Variants in SVEP1 observed in about 807,000 individuals in gnomAD.
SVEP1 encodes sushi, von Willebrand factor type A, EGF and pentraxin domain containing 1.
Under a neutral mutation model 367.3 loss-of-function variants are expected in SVEP1, and 164 were observed. That is an observed-to-expected ratio of 0.45 (90% CI 0.39 to 0.51). SVEP1 has a LOEUF of 0.51. SVEP1 is among the 20% of genes least tolerant of loss of function. The pLI is 0.00. For synonymous variants in SVEP1, 1,666 were observed against 1,611.6 expected, an observed-to-expected ratio of 1.03 and a Z score of -0.81; for missense variants, 4,117 against 4,425.3, an observed-to-expected ratio of 0.93 and a Z score of 1.98.
intron 22 of SVEP1, among the ~76,000 whole-genome samples, chr9:110,452,848 T>C (rs10980395): frequency 0.21 from 18,471 of 87,548 alleles, 1,548 homozygotes; most frequent in South Asian, 0.39. Context: ...GATGGCTTAT[T>C]TGAAGGATTT....
chr9:110,436,644 T>C (rs1554714981), intron 27 of SVEP1, 140 bp from the exon 28 acceptor site: 1 of 1,245,646 alleles, frequency 8.0e-7, no homozygotes, highest in Non-Finnish European at 1.1e-6. Flanking sequence ...GTAAATTTAC[T>C]GCAGGTTTTA....
Position 110,404,529 on chromosome 9 carries a change from T to C in SVEP1, c.9464A>G (p.Asp3155Gly), listed in dbSNP as rs1264663219. Reference sequence around the variant, plus strand: ...ACAGGTGAATGTATCTGTATCTGTATCCATCGTATAACCTTCCAGACATCT... The same window carrying C: ...ACAGGTGAATGTATCTGTATCTGTACCCATCGTATAACCTTCCAGACATCT... ...KLRCLEGYTMDTDTDTFTCQK... is the reference protein window; with the variant it reads ...KLRCLEGYTMGTDTDTFTCQK... Residue 3155 changes from aspartate (D) to glycine (G), a missense_variant, in exon 39 of 48, where the codon GAT (aspartate) becomes GGT (glycine). Around this residue, in one of 4 missense-constraint regions of SVEP1, gnomAD observed 1,765 missense variants for 1,781.1 expected, o/e 0.99. Coordinates refer to ENST00000374469, the MANE Select transcript of SVEP1 (RefSeq NM_153366.4). 3 of 1,613,986 alleles carry C rather than the reference T, an allele frequency of 1.9e-6. No individual in the cohort carries two copies. The highest frequency in any genetic ancestry group is 4.5e-5 in the East Asian group (2 of 44,880).
chr9:110,447,204 T>A (rs991708414), intron 24 of SVEP1, 147 bp from the exon 25 acceptor site: 1 of 681,544 alleles, frequency 1.5e-6, no homozygotes, highest in Admixed American at 4.1e-5. Flanking sequence ...GGTTACTTTT[T>A]CCAGTTCACT....
At chr9:110,505,653 T>C (rs1440713298) in intron 5 of SVEP1, among the ~76,000 whole-genome samples, 1 of 152,136 alleles carries the variant, frequency 6.6e-6, no homozygotes, top group Non-Finnish European at 1.5e-5. Flanking sequence ...TCATATTATA[T>C]ATCCAATAAC....
intron 6 of SVEP1, among the ~76,000 whole-genome samples, chr9:110,502,636 A>T (rs756056071): frequency 2.5e-4 from 38 of 152,180 alleles, no homozygotes; most frequent in Middle Eastern, 3.2e-3. Context: ...GTTTAATAAT[A>T]AAGCAATTTT....
At position 110,427,598 on chromosome 9, in the gene SVEP1, T is replaced by C; in HGVS notation, c.5968A>G (p.Lys1990Glu). ...TTCACAGGCCCTACTCACCCTTCTT[T>C]GCAAGTGTAAGTGACGGTGTTCCTG... ...TFRNTVTYTC[K>E]EGYTLAGLDT... The change falls in exon 36 of 48, where the codon AAA becomes GAA. Residue 1990 changes from lysine (K) to glutamate (E), a missense_variant. Coordinates refer to ENST00000374469, the MANE Select transcript of SVEP1 (RefSeq NM_153366.4). The C allele has an allele frequency of 6.2e-7, 1 of 1,613,228 alleles. No individual in the cohort carries two copies. The highest frequency in any genetic ancestry group is 1.1e-5 in the South Asian group (1 of 90,976).
intron 18 of SVEP1, among the ~76,000 whole-genome samples, chr9:110,465,151 C>G (rs1193575455): frequency 6.6e-6 from 1 of 151,882 alleles, no homozygotes; most frequent in Non-Finnish European, 1.5e-5. Flanking sequence ...ATTCTCAGAC[C>G]CCTCCCCAGA....
chr9:110,519,318 AGAT>A (rs1243388369), intron 3 of SVEP1, among the ~76,000 whole-genome samples: 1 of 152,120 alleles, frequency 6.6e-6, no homozygotes, highest in Non-Finnish European at 1.5e-5. Flanking sequence ...CTGCTTTTAT[AGAT>A]TTGTTGTGCC....
At position 110,479,496 on chromosome 9, in the gene SVEP1, G is replaced by A. The variant is rs1829151617; in HGVS notation, c.2487+139C>T. The A allele has an allele frequency of 2.6e-5, 27 of 1,020,106 alleles. No individual in the cohort carries two copies. The South Asian group carries it at 8.2e-4, about 31-fold the overall frequency. 63.2% of individuals were successfully genotyped at this position (1,020,106 alleles called of 1,614,324 possible). On this transcript the variant is annotated intron_variant, in intron 13 of 47. Transcript: ENST00000374469. Reference sequence around the variant, plus strand: ...GTCATTTTAGAAGTTCAAAATCTATGAATAATTTTAAATATTAGGTACATG... The same window carrying A: ...GTCATTTTAGAAGTTCAAAATCTATAAATAATTTTAAATATTAGGTACATG...
intron 4 of SVEP1, 70 bp from the exon 5 acceptor site, chr9:110,513,175 T>C: frequency 1.4e-6 from 2 of 1,431,516 alleles, no homozygotes; most frequent in South Asian, 1.5e-5. Flanking sequence ...TTTTTTTTTT[T>C]TCTTTCAAGG....
intron 28 of SVEP1, among the ~76,000 whole-genome samples, chr9:110,436,054 G>A (rs537952305): frequency 2.6e-5 from 4 of 152,016 alleles, no homozygotes; most frequent in Admixed American, 2.0e-4. Flanking sequence ...CAGTCAGAGG[G>A]ATTTGAAGCA....
chr9:110,495,945 G>A (rs1439426079), intron 8 of SVEP1, among the ~76,000 whole-genome samples: 3 of 152,076 alleles, frequency 2.0e-5, no homozygotes, highest in Admixed American at 2.0e-4. Flanking sequence ...ATAGCAATTA[G>A]GATTGAGTCC....
chr9:110,398,452 A>T, intron 40 of SVEP1, among the ~76,000 whole-genome samples: 1 of 152,216 alleles, frequency 6.6e-6, no homozygotes, highest in East Asian at 1.9e-4. Context: ...TCATGCTAAA[A>T]CACCAAAAGC....
At chr9:110,440,120 A>G (rs17806688) in intron 27 of SVEP1, among the ~76,000 whole-genome samples, 5,420 of 152,290 alleles carry the variant, frequency 0.036, 91 homozygotes, top group Middle Eastern at 0.058. Flanking sequence ...TGATAATGCC[A>G]TTTCCTTTTG....
At chr9:110,429,409 T>G in intron 34 of SVEP1, 75 bp from the exon 35 acceptor site, 3 of 1,037,802 alleles carry the variant, frequency 2.9e-6, no homozygotes, top group Non-Finnish European at 3.9e-6. Context: ...CAAAAACCTC[T>G]AAAAATATTA....
At position 110,436,502 on chromosome 9, in the gene SVEP1, C is replaced by G. The variant is rs767277866; in HGVS notation, c.4642G>C (p.Gly1548Arg). Residue 1548 changes from glycine to arginine, a missense_variant and splice_region_variant, in exon 28 of 48, where the codon GGT (glycine) becomes CGT (arginine). Transcript: ENST00000374469. Reference protein sequence around the residue: ...GLSVGLPIPGGGALVLGQEQD... With the variant: ...GLSVGLPIPGRGALVLGQEQD... Reference sequence around the variant, plus strand: ...TCTTGCCCCAGAACTAACGCACCACCACCTAAGGAGAGAGAAAGAGAAAGA... The same window carrying G: ...TCTTGCCCCAGAACTAACGCACCACGACCTAAGGAGAGAGAAAGAGAAAGA... 1 of 1,613,430 alleles carries G rather than the reference C, an allele frequency of 6.2e-7. No homozygotes were observed. Among genetic ancestry groups the G allele is most frequent in the Admixed American group, 1.7e-5 (1 of 59,904 alleles).
At chr9:110,481,861 T>G (rs1354101102) in intron 11 of SVEP1, among the ~76,000 whole-genome samples, 1 of 152,046 alleles carries the variant, frequency 6.6e-6, no homozygotes, top group African/African-American at 2.4e-5. Flanking sequence ...CACAGTCACA[T>G]GCCACCATGC....
intron 2 of SVEP1, among the ~76,000 whole-genome samples, chr9:110,546,686 G>C (rs940743847): frequency 6.6e-6 from 1 of 152,174 alleles, no homozygotes. Context: ...CGAGTCCCCA[G>C]ATCCTTGTTC....
chr9:110,466,724 G>A (rs938964253), intron 17 of SVEP1, among the ~76,000 whole-genome samples: 1 of 110,480 alleles, frequency 9.1e-6, no homozygotes, highest in African/African-American at 3.7e-5. Context: ...TCCCGCCACT[G>A]CACTCCAGCC....
Sources: allele counts gnomAD v4.1 joint callset (sites outside exome capture counted in the v4.1 genomes callset), GRCh38; gene constraint gnomAD v4.1.1; regional missense constraint gnomAD v4.1.1; transcripts MANE v1.5; gene names NCBI Gene and HGNC (gene_info 2026-07-23, HGNC 2026-07-21).